The following MAGI2 variants were observed in gnomAD, a reference collection of about 807,000 sequenced individuals.
MAGI2 encodes the protein membrane associated guanylate kinase, WW and PDZ domain containing 2.
MAGI2 carries 35 observed loss-of-function variants against 133.3 expected under a neutral mutation model. That is an observed-to-expected ratio of 0.26 (90% CI 0.20 to 0.35). The LOEUF (loss-of-function observed/expected upper bound fraction) is 0.35, where lower values mean the gene tolerates loss of function less well. Among genes scored for constraint, MAGI2 ranks in the 10% least tolerant of loss-of-function variants. The pLI, the probability that MAGI2 is intolerant of heterozygous loss-of-function variation, is 1.00. For missense variants in MAGI2, 1,636 were observed against 1,863.4 expected, an observed-to-expected ratio of 0.88 and a Z score of 2.25; for synonymous variants, 729 against 710.6, an observed-to-expected ratio of 1.03 and a Z score of -0.41.
rs80237984 is a variant in MAGI2, at chr7:79,364,952, A to G, written c.301+88068T>C. Reference sequence around the variant, plus strand: ...CTCTGGTAAAACCCATGTGAAAAGAATGAAAAGGCAAGCTAGAAATTTGGA... The same window carrying G: ...CTCTGGTAAAACCCATGTGAAAAGAGTGAAAAGGCAAGCTAGAAATTTGGA... On this transcript the variant is annotated intron_variant, in intron 1 of 21. Transcript: ENST00000354212. Among the ~76,000 whole-genome samples the G allele has an allele frequency of 2.6e-3, 397 of 152,158 alleles. 3 individuals carry two copies. In the East Asian group the frequency reaches 0.029, roughly 11 times the overall value.
rs558891771 is a variant in MAGI2 at position 79,018,692 on chromosome 7, G to A, written c.302-11486C>T. Among the ~76,000 whole-genome samples, 9 of 152,288 alleles carry A rather than the reference G, an allele frequency of 5.9e-5. No homozygotes were observed. The East Asian group carries it at 1.2e-3, about 20-fold the overall frequency. The stretch of plus-strand genomic sequence containing the variant: ...GGCAGCCATAGGCTCAAAGAAAAGG[G>A]ATGGAGAAAAATCTACCAAGCAAAC... On this transcript the variant is annotated intron_variant, in intron 1 of 21. Coordinates refer to ENST00000354212, the MANE Select transcript of MAGI2 (RefSeq NM_012301.4).
rs1272092936 is a variant in MAGI2 at position 78,069,180 on chromosome 7, G to T, written c.3706+9767C>A. Among the ~76,000 whole-genome samples the T allele has an allele frequency of 3.3e-5, 5 of 152,280 alleles. No homozygotes were observed. In the South Asian group the frequency reaches 6.2e-4, roughly 19 times the overall value. On this transcript the variant is annotated intron_variant, in intron 21 of 21. Transcript: ENST00000354212. The stretch of plus-strand genomic sequence containing the variant: ...AGCAATTCAGACTTGATGGGCAAAG[G>T]CTGAAGGGGTGGGGCACACTCAAAT...
At chr7:79,029,437 C>G (rs752532153) in intron 1 of MAGI2, among the ~76,000 whole-genome samples, 57 of 152,058 alleles carry the variant, frequency 3.7e-4, no homozygotes, top group Non-Finnish European at 7.2e-4. Context: ...TAAGACCCCC[C>G]CAAACCCAAC....
At chr7:78,744,839 T>C (rs1305048920) in intron 2 of MAGI2, among the ~76,000 whole-genome samples, 5 of 152,178 alleles carry the variant, frequency 3.3e-5, no homozygotes, top group African/African-American at 1.2e-4. Flanking sequence ...ATCAAGAACA[T>C]AGTGCTTCCG....
chr7:78,405,569 C>T (rs1043795038), intron 6 of MAGI2, among the ~76,000 whole-genome samples: 1 of 152,032 alleles, frequency 6.6e-6, no homozygotes, highest in Non-Finnish European at 1.5e-5. Flanking sequence ...TTACGAAATA[C>T]TAGAGATACC....
At chr7:78,063,715 A>C (rs41512745) in intron 21 of MAGI2, among the ~76,000 whole-genome samples, 6,662 of 152,142 alleles carry the variant, frequency 0.044, 197 homozygotes, top group South Asian at 0.077. Flanking sequence ...TGCCCAGCTA[A>C]AATTTTACCA....
intron 1 of MAGI2, among the ~76,000 whole-genome samples, chr7:79,312,235 A>G (rs1416613626): frequency 6.6e-6 from 1 of 152,198 alleles, no homozygotes; most frequent in African/African-American, 2.4e-5. Flanking sequence ...TCATGTCAGG[A>G]CACAAGTTAA....
intron 20 of MAGI2, among the ~76,000 whole-genome samples, chr7:78,095,711 T>G (rs1235089477): frequency 6.6e-6 from 1 of 152,166 alleles, no homozygotes; most frequent in Non-Finnish European, 1.5e-5. Flanking sequence ...GGTTAATGCT[T>G]TTAAAAATTC....
intron 2 of MAGI2, among the ~76,000 whole-genome samples, chr7:78,703,937 G>C (rs952917396): frequency 2.0e-5 from 3 of 151,588 alleles, no homozygotes; most frequent in Non-Finnish European, 4.4e-5. Flanking sequence ...TTAGATTAAA[G>C]GCTTAAATGT....
chr7:78,907,939 T>C (rs997955790), intron 2 of MAGI2, among the ~76,000 whole-genome samples: 9 of 152,146 alleles, frequency 5.9e-5, no homozygotes, highest in African/African-American at 2.2e-4. Flanking sequence ...ATCTGAGGGA[T>C]GTAAAGAGAC....
chr7:78,985,941 A>G (rs1331403213), intron 2 of MAGI2, among the ~76,000 whole-genome samples: 1 of 152,088 alleles, frequency 6.6e-6, no homozygotes, highest in Non-Finnish European at 1.5e-5. Context: ...CCTATAGAAG[A>G]TTCCAGGTAA....
In MAGI2 at chr7:78,858,798, C is replaced by G. The variant is rs867867178; in HGVS notation, c.418+148292G>C. Among the ~76,000 whole-genome samples, 10 of 152,208 alleles carry G rather than the reference C, an allele frequency of 6.6e-5. No individual in the cohort carries two copies. The Middle Eastern group carries it at 0.01, about 155-fold the overall frequency. On this transcript the variant is annotated intron_variant, in intron 2 of 21. Transcript: ENST00000354212. Reference sequence around the variant, plus strand: ...TTCAATTCCTGGATATCCTTGTTAACTTTCTGTCTCGTTGATCTCTCTAAT... The same window carrying G: ...TTCAATTCCTGGATATCCTTGTTAAGTTTCTGTCTCGTTGATCTCTCTAAT...
Position 78,343,773 on chromosome 7 carries a change from C to A in MAGI2, c.1408+5G>T. 3 of 1,542,034 alleles carry A rather than the reference C, an allele frequency of 1.9e-6. No homozygotes were observed. The highest frequency in any genetic ancestry group is 4.7e-5 in the East Asian group (2 of 42,676). On this transcript the variant is annotated splice_donor_5th_base_variant and intron_variant, in intron 9 of 21. Transcript: ENST00000354212. Reference sequence around the variant, plus strand: ...AACAATTTTCTAAACCATGAAGGACCTTACCTGTTTCCATTTTTCCATCCT... The same window carrying A: ...AACAATTTTCTAAACCATGAAGGACATTACCTGTTTCCATTTTTCCATCCT...
At chr7:78,982,977 C>G (rs1384120656) in intron 2 of MAGI2, among the ~76,000 whole-genome samples, 1 of 151,842 alleles carries the variant, frequency 6.6e-6, no homozygotes, top group Non-Finnish European at 1.5e-5. Context: ...GTTAGTCTGA[C>G]TTGAGCTATG....
At chr7:78,195,724 T>A (rs1385685591) in intron 11 of MAGI2, among the ~76,000 whole-genome samples, 2 of 152,182 alleles carry the variant, frequency 1.3e-5, no homozygotes, top group Admixed American at 1.3e-4. Flanking sequence ...TACTTCCCAG[T>A]TTATCATGTT....
chr7:78,316,003 A>G (rs941077742), intron 9 of MAGI2, among the ~76,000 whole-genome samples: 3 of 152,106 alleles, frequency 2.0e-5, no homozygotes, highest in Non-Finnish European at 2.9e-5. Flanking sequence ...TTCTCAATCC[A>G]TCGGGAGTCT....
chr7:78,335,573 A>T (rs1789677543), intron 9 of MAGI2, among the ~76,000 whole-genome samples: 2 of 152,184 alleles, frequency 1.3e-5, no homozygotes. Context: ...TGAGAAAAAG[A>T]GGATATGGAT....
At chr7:78,348,588 A>G (rs1791167412) in intron 7 of MAGI2, among the ~76,000 whole-genome samples, 1 of 152,174 alleles carries the variant, frequency 6.6e-6, no homozygotes, top group Admixed American at 6.5e-5. Context: ...GAAAACTTTG[A>G]ACAGACTTCT....
At chr7:79,214,348 C>T (rs1829770551) in intron 1 of MAGI2, among the ~76,000 whole-genome samples, 1 of 123,218 alleles carries the variant, frequency 8.1e-6, no homozygotes, top group South Asian at 2.8e-4. Context: ...CATGTCATTT[C>T]TGCATTACGC....
Sources: gnomAD v4.1 joint callset for allele counts (sites outside exome capture counted in the v4.1 genomes callset) on GRCh38, gnomAD v4.1.1 for gene constraint, MANE v1.5 for transcripts, NCBI Gene and HGNC (gene_info 2026-07-23, HGNC 2026-07-21) for gene names.